The following SLC5A1 variants were observed in gnomAD, a reference collection of about 807,000 sequenced individuals.
The protein encoded by SLC5A1 is solute carrier family 5 member 1.
Under a neutral mutation model 73.5 loss-of-function variants are expected in SLC5A1, and 42 were observed. The ratio of observed to expected loss-of-function variants is 0.57; its 90% CI spans 0.45 to 0.74. The LOEUF (loss-of-function observed/expected upper bound fraction) is 0.74. Ranked by LOEUF, SLC5A1 falls within the 30% of genes least tolerant of loss-of-function variation. SLC5A1 has a pLI of 0.00. For synonymous variants in SLC5A1, 300 were observed against 317.4 expected, an observed-to-expected ratio of 0.95 and a Z score of 0.58; for missense variants, 634 against 855.4, an observed-to-expected ratio of 0.74 and a Z score of 3.23.
chr22:32,096,288 T>G (rs1277521597), intron 11 of SLC5A1, among the ~76,000 whole-genome samples: 1 of 152,142 alleles, frequency 6.6e-6, no homozygotes, highest in Admixed American at 6.5e-5. Context: ...AACACCTAAT[T>G]TACCCCTCAG....
chr22:32,086,215 C>T lies in SLC5A1; in HGVS notation c.1022-5C>T. ...TTGCTGACGTGGCTCTCCATCTCTT[C>T]CCAGAAAAAATTGCCTGTGTCGTCC... On this transcript the variant is annotated splice_region_variant and splice_polypyrimidine_tract_variant and intron_variant, in intron 9 of 14. Transcript: ENST00000266088. The T allele has an allele frequency of 6.3e-7, 1 of 1,599,178 alleles. No homozygotes were observed. Among genetic ancestry groups the T allele is most frequent in the Non-Finnish European group, 8.6e-7 (1 of 1,166,446 alleles).
chr22:32,059,374 T>C (rs1398120003), intron 2 of SLC5A1: 1 of 981,736 alleles, frequency 1.0e-6, no homozygotes, highest in African/African-American at 1.8e-5. Context: ...AGATCGGCTC[T>C]GGATGGTGTC....
chr22:32,108,108 A>ATT (rs747034400), intron 14 of SLC5A1, among the ~76,000 whole-genome samples: 111 of 142,514 alleles, frequency 7.8e-4, no homozygotes, highest in East Asian at 2.1e-3. Context: ...AGGCCATTCA[A>ATT]TTTTTTTTTT....
At chr22:32,109,719 G>T (rs1339238330) in intron 14 of SLC5A1, among the ~76,000 whole-genome samples, 1 of 152,166 alleles carries the variant, frequency 6.6e-6, no homozygotes, top group African/African-American at 2.4e-5. Flanking sequence ...AAATCAAAAT[G>T]AATTTGCATT....
Position 32,102,232 on chromosome 22 carries a change from G to A in SLC5A1, c.1660G>A (p.Val554Met). The A allele has an allele frequency of 1.2e-6, 2 of 1,607,874 alleles. No homozygotes were observed. Among genetic ancestry groups the A allele is most frequent in the East Asian group, 2.2e-5 (1 of 44,846 alleles). The change falls in exon 13 of 15, where the codon GTG becomes ATG. Residue 554 changes from valine to methionine, a missense_variant. Around this residue, in one of 3 missense-constraint regions of SLC5A1, gnomAD observed 161 missense variants for 178.7 expected, o/e 0.90. Coordinates refer to ENST00000266088, the MANE Select transcript of SLC5A1 (RefSeq NM_000343.4). ...CCTCCTCACCAAACCCATTCCGGAT[G>A]TGCATGTGAGTATCCATTTAGGGGA... The part of the protein sequence containing the change: ...ISLLTKPIPD[V>M]HLYRLCWSLR...
At chr22:32,065,696 C>T (rs1052936121) in intron 2 of SLC5A1, among the ~76,000 whole-genome samples, 1 of 152,184 alleles carries the variant, frequency 6.6e-6, no homozygotes, top group African/African-American at 2.4e-5. Context: ...TATTAATGCA[C>T]CTGCACCAAC....
chr22:32,088,163 T>C (rs2094011198), intron 10 of SLC5A1, among the ~76,000 whole-genome samples: 1 of 152,130 alleles, frequency 6.6e-6, no homozygotes, highest in Non-Finnish European at 1.5e-5. Context: ...TGTGGAGTGT[T>C]TATGTTATTC....
At chr22:32,059,322 G>C (rs570881532) in intron 2 of SLC5A1, 2 of 985,662 alleles carry the variant, frequency 2.0e-6, no homozygotes, top group South Asian at 9.4e-5. Context: ...CGCACCAGGA[G>C]AGGGGAACAG....
chr22:32,043,308 G>T lies in SLC5A1; in HGVS notation c.27G>T (p.Lys9Asn). Reference sequence around the variant, plus strand: ...TGGACAGTAGCACCTGGAGCCCCAAGACCACCGCGGTCACCCGGCCTGTTG... The same window carrying T: ...TGGACAGTAGCACCTGGAGCCCCAATACCACCGCGGTCACCCGGCCTGTTG... MDSSTWSP[K>N]TTAVTRPVET... The change falls in exon 1 of 15, where the codon AAG becomes AAT. Residue 9 changes from lysine to asparagine, a missense_variant. Coordinates refer to ENST00000266088, the MANE Select transcript of SLC5A1 (RefSeq NM_000343.4). This position sits in a 1 kb window ranked among gnomAD's most constrained non-coding sequence, Gnocchi z 6.5. The T allele has an allele frequency of 6.2e-7, 1 of 1,614,140 alleles. No individual in the cohort carries two copies. Among genetic ancestry groups the T allele is most frequent in the Non-Finnish European group, 8.5e-7 (1 of 1,180,030 alleles).
chr22:32,102,402 G>A (rs566492747), intron 13 of SLC5A1, among the ~76,000 whole-genome samples, 165 bp downstream of exon 13: 1 of 151,204 alleles, frequency 6.6e-6, no homozygotes, highest in Non-Finnish European at 1.5e-5. Flanking sequence ...ATCAAATCAG[G>A]GTAATTGGGG....
At position 32,111,808 on chromosome 22, in the gene SLC5A1, A is replaced by C. The variant is rs1232699809; in HGVS notation, c.*1595A>C. The C allele has an allele frequency of 6.6e-6, 1 of 152,158 alleles. No individual in the cohort carries two copies. The highest frequency in any genetic ancestry group is 1.5e-5 in the Non-Finnish European group (1 of 68,034). The allele number at this position is 152,158 out of a possible 1,614,324, so 9.4% of individuals were successfully genotyped here. Reference sequence around the variant, plus strand: ...ATTTGCATTTATGCCAATCTAAACTATCCGGTGTTTAGTTTGATTTTTTGA... The same window carrying C: ...ATTTGCATTTATGCCAATCTAAACTCTCCGGTGTTTAGTTTGATTTTTTGA... On this transcript the variant is annotated 3_prime_UTR_variant, in exon 15 of 15. Coordinates refer to ENST00000266088, the MANE Select transcript of SLC5A1 (RefSeq NM_000343.4).
At chr22:32,091,332 CACACACACA>C (rs1569313385) in intron 10 of SLC5A1, among the ~76,000 whole-genome samples, 30 of 144,708 alleles carry the variant, frequency 2.1e-4, no homozygotes, top group African/African-American at 7.1e-4. Flanking sequence ...CACACACACA[CACACACACA>C]CCCCACCACC....
intron 2 of SLC5A1, among the ~76,000 whole-genome samples, chr22:32,065,613 CTG>C (rs531130649): frequency 2.6e-5 from 4 of 152,296 alleles, no homozygotes; most frequent in Admixed American, 6.5e-5. Flanking sequence ...GGGATTTTGT[CTG>C]TGTTATTCAC....
chr22:32,104,758 C>T (rs1449593474), intron 13 of SLC5A1, 28 bp from the exon 14 acceptor site: 1 of 1,585,752 alleles, frequency 6.3e-7, no homozygotes, highest in Admixed American at 1.7e-5. Flanking sequence ...TTGGATCTTT[C>T]TGTTGACCTG....
At chr22:32,047,443 C>T (rs989024248) in intron 1 of SLC5A1, among the ~76,000 whole-genome samples, 1 of 117,416 alleles carries the variant, frequency 8.5e-6, no homozygotes, top group Non-Finnish European at 1.8e-5. Flanking sequence ...TCAGTTGCTA[C>T]AGACCAGGTC....
intron 1 of SLC5A1, among the ~76,000 whole-genome samples, chr22:32,049,176 TC>T (rs1181292381): frequency 1.7e-4 from 3 of 17,754 alleles, no homozygotes; most frequent in Non-Finnish European, 5.2e-4. Flanking sequence ...TATATCTATA[TC>T]TATATCTATA....
At chr22:32,066,850 C>A (rs1603115087) in intron 2 of SLC5A1, 85 bp from the exon 3 acceptor site, 2 of 925,728 alleles carry the variant, frequency 2.2e-6, no homozygotes, top group Admixed American at 3.6e-5. Context: ...CTTCTCTTGG[C>A]TGACATGTCT....
At chr22:32,062,736 G>C (rs1335969979) in intron 2 of SLC5A1, among the ~76,000 whole-genome samples, 1 of 152,122 alleles carries the variant, frequency 6.6e-6, no homozygotes, top group African/African-American at 2.4e-5. Flanking sequence ...GATGAGGAGT[G>C]GACAGAGAAA....
In SLC5A1 at chr22:32,085,535, AT is replaced by A. The variant is rs994433532; in HGVS notation, c.1021+502del. On this transcript the variant is annotated intron_variant, in intron 9 of 14. Coordinates refer to ENST00000266088, the MANE Select transcript of SLC5A1 (RefSeq NM_000343.4). ...TCTTCCCTGGTTTCTTATGTCGACA[AT>A]TGTTTCCTCCTTTTTTTTTTTTTTT... Among the ~76,000 whole-genome samples, 5 of 138,764 alleles carry A rather than the reference AT, an allele frequency of 3.6e-5. No homozygotes were observed. In the Admixed American group the frequency reaches 3.7e-4, roughly 10 times the overall value. 91.0% of individuals were successfully genotyped at this position (138,764 alleles called of 152,430 possible).
Sources: allele counts gnomAD v4.1 joint callset (sites outside exome capture counted in the v4.1 genomes callset), GRCh38; gene constraint gnomAD v4.1.1; regional missense constraint gnomAD v4.1.1; non-coding constraint Gnocchi (gnomAD v3.1); transcripts MANE v1.5; gene names NCBI Gene and HGNC (gene_info 2026-07-23, HGNC 2026-07-21).